KLHL3: variants seen among roughly 807,000 people sequenced by gnomAD.
The protein encoded by KLHL3 is kelch like family member 3.
In KLHL3, 19 loss-of-function variants were observed where a neutral mutation model predicts 70.5. The ratio of observed to expected loss-of-function variants is 0.27; its 90% CI spans 0.19 to 0.40. The LOEUF (loss-of-function observed/expected upper bound fraction) is 0.40, where lower values mean the gene tolerates loss of function less well. Among genes scored for constraint, KLHL3 ranks in the 10% least tolerant of loss-of-function variants. The pLI is 1.00. For synonymous variants in KLHL3, 258 were observed against 290.3 expected, an observed-to-expected ratio of 0.89 and a Z score of 1.13; for missense variants, 512 against 771.1, an observed-to-expected ratio of 0.66 and a Z score of 3.98.
intron 6 of KLHL3, among the ~76,000 whole-genome samples, chr5:137,672,263 C>T (rs181448415): frequency 2.0e-5 from 3 of 152,304 alleles, no homozygotes; most frequent in East Asian, 1.9e-4. Context: ...GCCCAGCCCA[C>T]CGGCCAAGGC....
chr5:137,664,349 CA>C lies in KLHL3; in HGVS notation c.637-2319del, dbSNP rs949281962. Among the ~76,000 whole-genome samples, 34 of 125,040 alleles carry C rather than the reference CA, an allele frequency of 2.7e-4. 1 individual carries two copies. The highest frequency in any genetic ancestry group is 2.5e-4 in the Admixed American group (3 of 12,012). 82.0% of individuals were successfully genotyped at this position (125,040 alleles called of 152,430 possible). ...TGGGAGACGAAGTGAGACCCTGTCT[CA>C]AAAAAAAAAATTAAAAAAAATAATT... On this transcript the variant is annotated intron_variant, in intron 6 of 14. Transcript: ENST00000309755.
intron 13 of KLHL3, among the ~76,000 whole-genome samples, chr5:137,627,839 A>G (rs1019534165): frequency 2.6e-5 from 4 of 152,240 alleles, no homozygotes; most frequent in Non-Finnish European, 4.4e-5. Flanking sequence ...CAAGGGTCCA[A>G]CTGTCCCTGC....
At chr5:137,720,662 G>C (rs1013063023) in intron 1 of KLHL3, 78 bp from the exon 2 acceptor site, 1 of 1,594,256 alleles carries the variant, frequency 6.3e-7, no homozygotes, top group Non-Finnish European at 8.5e-7. Context: ...AAAAGCCCAT[G>C]CATTTACCCA....
At chr5:137,713,314 G>A (rs1318707191) in intron 2 of KLHL3, among the ~76,000 whole-genome samples, 1 of 152,030 alleles carries the variant, frequency 6.6e-6, no homozygotes, top group African/African-American at 2.4e-5. Context: ...ATATGACAGT[G>A]TGGTACTAGT....
intron 12 of KLHL3, among the ~76,000 whole-genome samples, chr5:137,633,712 CA>C (rs961436923): frequency 2.6e-5 from 4 of 152,094 alleles, no homozygotes; most frequent in Non-Finnish European, 4.4e-5. Flanking sequence ...AACCCAGAAA[CA>C]AAAAATCAAA....
At position 137,625,775 on chromosome 5, in the gene KLHL3, C is replaced by A; in HGVS notation, c.1713G>T (p.Met571Ile). ...GACCTGCATAGCTCCGCCCCGTGCT[C>A]ATGTTCGTTGGAAGCAGCGTCCATT... Reference protein sequence around the residue: ...TDKWTLLPTNMSTGRSYAGVA... With the variant: ...TDKWTLLPTNISTGRSYAGVA... Residue 571 changes from methionine (M) to isoleucine (I), a missense_variant, in exon 14 of 15, where the codon ATG (methionine) becomes ATT (isoleucine). Coordinates refer to ENST00000309755, the MANE Select transcript of KLHL3 (RefSeq NM_017415.3). 1.9e-6 allele frequency: 3 copies of A among 1,614,158 alleles called. No homozygotes were observed. The highest frequency in any genetic ancestry group is 1.7e-6 in the Non-Finnish European group (2 of 1,180,042).
chr5:137,685,348 G>A (rs2967797), intron 5 of KLHL3, among the ~76,000 whole-genome samples: 118,928 of 152,212 alleles, frequency 0.78, 46,700 homozygotes, highest in East Asian at 0.98. Context: ...AGATGCAGCA[G>A]ACTAAAAGAA....
intron 14 of KLHL3, 60 bp from the exon 15 acceptor site, chr5:137,622,186 A>G: frequency 6.4e-7 from 1 of 1,571,076 alleles, no homozygotes; most frequent in Admixed American, 1.7e-5. Flanking sequence ...TCAGAGTCCC[A>G]GTGAGTTCAT....
intron 10 of KLHL3, 22 bp downstream of exon 10, chr5:137,638,931 T>G: frequency 6.2e-7 from 1 of 1,608,644 alleles, no homozygotes; most frequent in Non-Finnish European, 8.5e-7. Flanking sequence ...TAGGAGGGGT[T>G]GGGAACACAC....
intron 3 of KLHL3, among the ~76,000 whole-genome samples, chr5:137,701,523 T>G (rs1443351245): frequency 6.6e-6 from 1 of 152,216 alleles, no homozygotes; most frequent in African/African-American, 2.4e-5. Context: ...GTCCAAATTC[T>G]GAGGACAAGT....
At chr5:137,719,484 A>C (rs1438183342) in intron 2 of KLHL3, among the ~76,000 whole-genome samples, 1 of 152,270 alleles carries the variant, frequency 6.6e-6, no homozygotes, top group Non-Finnish European at 1.5e-5. Flanking sequence ...TGCATGGGCA[A>C]AGGAAGCTTC....
Position 137,619,155 on chromosome 5 carries a change from C to A in KLHL3, c.*2943G>T, listed in dbSNP as rs1756324640. 1 of 152,592 alleles carries A rather than the reference C, an allele frequency of 6.6e-6. No individual in the cohort carries two copies. Among genetic ancestry groups the A allele is most frequent in the Non-Finnish European group, 1.5e-5 (1 of 68,028 alleles). 9.5% of individuals were successfully genotyped at this position (152,592 alleles called of 1,614,324 possible). On this transcript the variant is annotated 3_prime_UTR_variant, in exon 15 of 15. Transcript: ENST00000309755. ...AAAGGCAATCTTTGAAAGGATCTGG[C>A]TCAGAAATATACAAACATTACACAA...
At position 137,621,777 on chromosome 5, in the gene KLHL3, T is replaced by TACACAC. The variant is rs3839339; in HGVS notation, c.*315_*320dup. 1.9e-5 allele frequency: 6 copies of TACACAC among 309,726 alleles called. No homozygotes were observed. In the South Asian group the frequency reaches 3.6e-4, roughly 18 times the overall value. 19.2% of individuals were successfully genotyped at this position (309,726 alleles called of 1,614,324 possible). A position where few individuals can be genotyped will look rare whatever the true frequency, so the allele number is the denominator to read the frequency against. ...AGAAACATAGAGAAACACCATGGTC[T>TACACAC]ACACACACACACACACACACACACA... On this transcript the variant is annotated 3_prime_UTR_variant, in exon 15 of 15. Coordinates refer to ENST00000309755, the MANE Select transcript of KLHL3 (RefSeq NM_017415.3).
intron 6 of KLHL3, among the ~76,000 whole-genome samples, chr5:137,668,890 G>A (rs564245832): frequency 1.1e-4 from 16 of 150,014 alleles, no homozygotes; most frequent in Admixed American, 9.9e-4. Flanking sequence ...GTTTTTTAGC[G>A]AGCCAGTTGT....
rs147322785 is a variant in KLHL3, at chr5:137,624,919, C to T, written c.1735+834G>A. On this transcript the variant is annotated intron_variant, in intron 14 of 14. Coordinates refer to ENST00000309755, the MANE Select transcript of KLHL3 (RefSeq NM_017415.3). ...ACACACTCCCCAAGAAGCTTCCACA[C>T]CCGCCTGGTGCCTTACTCTAAGGCT... is the stretch of plus-strand genomic sequence containing the variant. Among the ~76,000 whole-genome samples the T allele has an allele frequency of 6.3e-3, 955 of 152,316 alleles. 5 individuals carry two copies. Among genetic ancestry groups the T allele is most frequent in the Middle Eastern group, 0.02 (6 of 294 alleles).
chr5:137,715,791 A>C (rs1752881170), intron 2 of KLHL3, among the ~76,000 whole-genome samples: 1 of 152,226 alleles, frequency 6.6e-6, no homozygotes. Context: ...CTATACAAAT[A>C]ATCATGAATG....
intron 5 of KLHL3, among the ~76,000 whole-genome samples, chr5:137,687,356 C>A (rs1752210679): frequency 2.8e-5 from 1 of 36,160 alleles, no homozygotes; most frequent in Non-Finnish European, 5.1e-5. Context: ...GCCCAGCCGC[C>A]CCTACTGGGA....
chr5:137,664,615 G>C (rs2149899510), intron 6 of KLHL3, among the ~76,000 whole-genome samples: 1 of 151,368 alleles, frequency 6.6e-6, no homozygotes, highest in Admixed American at 6.6e-5. Context: ...CCAGGAGTTT[G>C]AGACCAGCCT....
At chr5:137,691,680 G>A (rs984228271) in intron 5 of KLHL3, among the ~76,000 whole-genome samples, 13 of 151,700 alleles carry the variant, frequency 8.6e-5, no homozygotes, top group Admixed American at 6.6e-4. Context: ...GCGAAATCTC[G>A]GCTCACTGCA....
Sources: gnomAD v4.1 joint callset for allele counts (sites outside exome capture counted in the v4.1 genomes callset) on GRCh38, gnomAD v4.1.1 for gene constraint, MANE v1.5 for transcripts, NCBI Gene and HGNC (gene_info 2026-07-23, HGNC 2026-07-21) for gene names.